JMJD7: variants seen among roughly 807,000 people sequenced by gnomAD.
JMJD7 encodes the protein bifunctional peptidase and (3S)-lysyl hydroxylase JMJD7.
A neutral mutation model predicts 41.1 loss-of-function variants in JMJD7; 41 were observed. The ratio of observed to expected loss-of-function variants is 1.00; its 90% CI spans 0.78 to 1.30. JMJD7 has a LOEUF of 1.30. Among genes scored for constraint, JMJD7 ranks in the 50% most tolerant of loss-of-function variants. JMJD7 has a pLI of 0.00. For synonymous variants in JMJD7, 202 were observed against 177.2 expected (o/e 1.14, Z -1.11); for missense variants, 480 against 420.7 (o/e 1.14, Z -1.23).
rs1351808227 is a variant in JMJD7 at position 41,835,156 on chromosome 15, G to A, written c.405G>A (p.Leu135=). 3 of 1,605,942 alleles carry A rather than the reference G, an allele frequency of 1.9e-6. No individual in the cohort carries two copies. In the African/African-American group the frequency reaches 4.0e-5, roughly 21 times the overall value. Residue 135 remains leucine (L), a synonymous_variant, in exon 3 of 8, where the codon CTG becomes CTA. Coordinates refer to ENST00000397299, the MANE Select transcript of JMJD7 (RefSeq NM_001114632.2). ...VLYVQKQCSN[L]PSELPQLLPD... ...ATGTGCAGAAGCAGTGCTCCAACCT[G>A]CCCAGCGAGCTGCCCCAGCTGCTGC...
chr15:41,829,639 A>T (rs2140872743), intron 1 of JMJD7, among the ~76,000 whole-genome samples: 1 of 152,326 alleles, frequency 6.6e-6, no homozygotes, highest in Non-Finnish European at 1.5e-5. Flanking sequence ...AATTGTTTGG[A>T]TCCCTTTTGA....
chr15:41,836,516 A>G lies in JMJD7; in HGVS notation c.667A>G (p.Thr223Ala), dbSNP rs763421145. 2.5e-6 allele frequency: 4 copies of G among 1,592,482 alleles called. No individual in the cohort carries two copies. In the Admixed American group the frequency reaches 5.3e-5, roughly 21 times the overall value. Residue 223 changes from threonine (T) to alanine (A), a missense_variant, in exon 6 of 8, where the codon ACC (threonine) becomes GCC (alanine). Thr to Ala is a moderately conservative substitution (Grantham distance 58). Coordinates refer to ENST00000397299, the MANE Select transcript of JMJD7 (RefSeq NM_001114632.2). ...AACCTACCAGCTAACTGAAGAGGGC[A>G]CCTTTAAGGTGGTGGATGAAGAGGC... ...PATYQLTEEGTFKVVDEEAME... is the reference protein window; with the variant it reads ...PATYQLTEEGAFKVVDEEAME...
At chr15:41,831,117 T>C (rs776814880) in intron 1 of JMJD7, among the ~76,000 whole-genome samples, 1 of 152,104 alleles carries the variant, frequency 6.6e-6, no homozygotes, top group Non-Finnish European at 1.5e-5. Context: ...CATGGACCAA[T>C]AGGCATGTAC....
intron 3 of JMJD7, 54 bp from the exon 4 acceptor site, chr15:41,835,534 G>A: frequency 6.3e-7 from 1 of 1,588,442 alleles, no homozygotes; most frequent in Non-Finnish European, 8.6e-7. Flanking sequence ...TCACTGGATG[G>A]CAGCTTTCCC....
In JMJD7 at chr15:41,828,142, G is replaced by T. The variant is rs758598752; in HGVS notation, c.18G>T (p.Leu6Phe). 6.8e-6 allele frequency: 10 copies of T among 1,478,148 alleles called. No individual in the cohort carries two copies. In the African/African-American group the frequency reaches 1.5e-4, roughly 22 times the overall value. The allele number at this position is 1,478,148 out of a possible 1,614,324, so 91.6% of individuals were successfully genotyped here. A position where few individuals can be genotyped will look rare whatever the true frequency, so the allele number is the denominator to read the frequency against. Residue 6 changes from leucine to phenylalanine, a missense_variant, in exon 1 of 8, where the codon TTG becomes TTT. Physicochemically the swap from Leu to Phe is conservative, Grantham distance 22. Coordinates refer to ENST00000397299, the MANE Select transcript of JMJD7 (RefSeq NM_001114632.2). ...ACGCAGCCATGGCGGAGGCGGCTTT[G>T]GAAGCCGTGCGGAGCGAGTTACGAG... Reference protein sequence around the residue: MAEAALEAVRSELREF... With the variant: MAEAAFEAVRSELREF...
chr15:41,833,416 T>TA (rs2065262397), intron 1 of JMJD7, among the ~76,000 whole-genome samples: 79 of 18,016 alleles, frequency 4.4e-3, no homozygotes, highest in South Asian at 0.02. Context: ...ATATATATAT[T>TA]TTTTTTTTTT....
rs1009581119 is a variant in JMJD7, at chr15:41,834,620, G to A, written c.65-120G>A. On this transcript the variant is annotated intron_variant, in intron 1 of 7. Transcript: ENST00000397299. ...ATTACTGGTTGTCCAGGGTCCTTTG[G>A]TCACCAACGAGCATTTCCCAGTGAC... 1.2e-5 allele frequency: 18 copies of A among 1,453,490 alleles called. 1 individual carries two copies. The highest frequency in any genetic ancestry group is 2.2e-5 in the Admixed American group (1 of 45,408). The allele number at this position is 1,453,490 out of a possible 1,614,324, so 90.0% of individuals were successfully genotyped here.
rs1229591510 is a variant in JMJD7 at position 41,836,835 on chromosome 15, T to TA, written c.758dup (p.Tyr253Ter). The TA allele has an allele frequency of 4.3e-6, 7 of 1,612,980 alleles. No individual in the cohort carries two copies. Among genetic ancestry groups the TA allele is most frequent in the African/African-American group, 1.3e-5 (1 of 75,020 alleles). Residue 253 changes from tyrosine (Y) to a stop codon, truncating the protein, a stop_gained and frameshift_variant, in exon 7 of 8, where the codon TAC (tyrosine) becomes TAAC (stop). Transcript: ENST00000397299. LOFTEE classifies it high-confidence loss of function. ...LAPDLARYPS[Y>*]SQAQALRCTV... ...GCCAGACCTAGCACGGTACCCTAGT[T>TA]ACAGTCAGGCCCAGGCCCTTCGCTG...
chr15:41,834,877 T>C lies in JMJD7; in HGVS notation c.202T>C (p.Ser68Pro). 6.2e-7 allele frequency: 1 copy of C among 1,613,996 alleles called. No individual in the cohort carries two copies. The highest frequency in any genetic ancestry group is 8.5e-7 in the Non-Finnish European group (1 of 1,179,914). ...GCACTGGCCGGCCCTCCAGAAGTGG[T>C]CCCTCCCCTATTTCAGGTGGGAGCT... is the stretch of plus-strand genomic sequence containing the variant. ...LQHWPALQKWSLPYFRATVGS... is the reference protein window; with the variant it reads ...LQHWPALQKWPLPYFRATVGS... The change falls in exon 2 of 8, where the codon TCC (serine) becomes CCC (proline). Residue 68 changes from serine (S) to proline (P), a missense_variant. Physicochemically the swap from Ser to Pro is moderately conservative, Grantham distance 74. Coordinates refer to ENST00000397299, the MANE Select transcript of JMJD7 (RefSeq NM_001114632.2).
chr15:41,828,900 C>T (rs951024283), intron 1 of JMJD7, among the ~76,000 whole-genome samples: 13 of 152,222 alleles, frequency 8.5e-5, no homozygotes, highest in African/African-American at 2.7e-4. Context: ...TCACATTCCT[C>T]TACCTCAGTC....
intron 1 of JMJD7, 139 bp downstream of exon 1, chr15:41,828,327 C>T (rs891996105): frequency 1.9e-6 from 2 of 1,042,854 alleles, no homozygotes; most frequent in Admixed American, 8.4e-5. Context: ...TGGCAACCTG[C>T]TTCCCTTCTC....
At chr15:41,836,104 C>T (rs779886035) in intron 4 of JMJD7, 44 bp from the exon 5 acceptor site, 2 of 1,543,402 alleles carry the variant, frequency 1.3e-6, no homozygotes, top group South Asian at 1.2e-5. Context: ...CTCCCGTGCC[C>T]CTGCCCTCCA....
intron 1 of JMJD7, 162 bp downstream of exon 1, chr15:41,828,350 G>C (rs2065171690): frequency 2.4e-6 from 2 of 826,288 alleles, no homozygotes; most frequent in Non-Finnish European, 3.4e-6. Flanking sequence ...GTGTTCGCGC[G>C]CTCCCGCGGC....
intron 1 of JMJD7, among the ~76,000 whole-genome samples, chr15:41,833,389 A>AATATATATATATATAT (rs1567164757): frequency 1.1e-4 from 11 of 103,524 alleles, no homozygotes; most frequent in African/African-American, 3.7e-4. Flanking sequence ...ATGTAGGTGA[A>AATATATATATATATAT]ATACATATAT....
chr15:41,833,425 T>A (rs1281965542), intron 1 of JMJD7, among the ~76,000 whole-genome samples: 3 of 121,166 alleles, frequency 2.5e-5, no homozygotes, highest in Non-Finnish European at 3.6e-5. Context: ...TTTTTTTTTT[T>A]TTTTTTTTTT....
intron 3 of JMJD7, 41 bp from the exon 4 acceptor site, chr15:41,835,547 G>C (rs182259747): frequency 4.4e-5 from 70 of 1,600,380 alleles, no homozygotes; most frequent in Non-Finnish European, 5.9e-5. Context: ...GCTTTCCCCA[G>C]CCTGGCCTTC....
At chr15:41,831,923 A>G (rs1192255744) in intron 1 of JMJD7, among the ~76,000 whole-genome samples, 2 of 152,228 alleles carry the variant, frequency 1.3e-5, no homozygotes, top group East Asian at 3.8e-4. Flanking sequence ...GTGGGTGTCC[A>G]GAAGGAAAGA....
In JMJD7 at chr15:41,836,829, C is replaced by T. The variant is rs760863188; in HGVS notation, c.751C>T (p.Pro251Ser). Reference protein sequence around the residue: ...DPLAPDLARYPSYSQAQALRC... With the variant: ...DPLAPDLARYSSYSQAQALRC... ...CTTGGCGCCAGACCTAGCACGGTAC[C>T]CTAGTTACAGTCAGGCCCAGGCCCT... is the stretch of plus-strand genomic sequence containing the variant. Residue 251 changes from proline to serine, a missense_variant, in exon 7 of 8, where the codon CCT becomes TCT. Physicochemically the swap from Pro to Ser is moderately conservative, Grantham distance 74. Coordinates refer to ENST00000397299, the MANE Select transcript of JMJD7 (RefSeq NM_001114632.2). 23 of 1,612,806 alleles carry T rather than the reference C, an allele frequency of 1.4e-5. No individual in the cohort carries two copies. In the South Asian group the frequency reaches 2.3e-4, roughly 16 times the overall value.
intron 1 of JMJD7, among the ~76,000 whole-genome samples, chr15:41,833,932 A>G (rs1234088510): frequency 6.6e-6 from 1 of 152,190 alleles, no homozygotes. Context: ...TTTGAGAGAC[A>G]TAGGAGACAG....
Sources: allele counts gnomAD v4.1 joint callset (sites outside exome capture counted in the v4.1 genomes callset), GRCh38; gene constraint gnomAD v4.1.1; transcripts MANE v1.5; gene names NCBI Gene and HGNC (gene_info 2026-07-23, HGNC 2026-07-21).